The following ZMIZ1 variants were observed in gnomAD, a reference collection of about 807,000 sequenced individuals.
ZMIZ1 encodes the protein zinc finger MIZ-type containing 1.
ZMIZ1 carries 17 observed loss-of-function variants against 113.9 expected under a neutral mutation model. The observed-to-expected ratio is 0.15, with a 90% CI of 0.10 to 0.22. ZMIZ1 has a LOEUF of 0.22. Among genes scored for constraint, ZMIZ1 ranks in the 10% least tolerant of loss-of-function variants. ZMIZ1 has a pLI of 1.00. For synonymous variants in ZMIZ1, 607 were observed against 603.1 expected (o/e 1.01, Z -0.09); for missense variants, 1,059 against 1,477.8 (o/e 0.72, Z 4.65).
In ZMIZ1 at chr10:79,302,230, C is replaced by T. The variant is rs147108972; in HGVS notation, c.2125+18C>T. 299 of 1,609,398 alleles carry T rather than the reference C, an allele frequency of 1.9e-4. 1 individual carries two copies. The African/African-American group carries it at 2.2e-3, about 12-fold the overall frequency. On this transcript the variant is annotated intron_variant, in intron 18 of 24. Coordinates refer to ENST00000334512, the MANE Select transcript of ZMIZ1 (RefSeq NM_020338.4). ...CACGAAAAGTGAGTCAGGGTGGGGA[C>T]GGGGGTGAGGGCCAGACTCCATCCC...
At chr10:79,181,160 T>C (rs1020368161) in intron 4 of ZMIZ1, among the ~76,000 whole-genome samples, 1 of 151,968 alleles carries the variant, frequency 6.6e-6, no homozygotes, top group African/African-American at 2.4e-5. Context: ...AGAGCAGGCT[T>C]GGGCAGGAGC....
At chr10:79,075,529 C>T (rs1265460649) in intron 1 of ZMIZ1, among the ~76,000 whole-genome samples, 2 of 152,152 alleles carry the variant, frequency 1.3e-5, no homozygotes, top group African/African-American at 4.8e-5. Context: ...ATTCCCCCAG[C>T]CCTGTGTGTG....
intron 4 of ZMIZ1, among the ~76,000 whole-genome samples, chr10:79,164,052 G>T (rs565427922): frequency 3.3e-5 from 5 of 152,146 alleles, no homozygotes; most frequent in African/African-American, 1.2e-4. Flanking sequence ...ATGAGGAAGA[G>T]AAAGCCTTGG....
intron 2 of ZMIZ1, 131 bp from the exon 3 acceptor site, chr10:79,139,551 A>T (rs1185908350): frequency 2.5e-6 from 1 of 396,662 alleles, no homozygotes; most frequent in Non-Finnish European, 4.4e-6. Context: ...TAAATCAGGC[A>T]TCCCGGGGTG....
rs141837120 is a variant in ZMIZ1, at chr10:79,262,197, G to A, written c.281-14984G>A. Among the ~76,000 whole-genome samples the A allele has an allele frequency of 3.4e-3, 525 of 152,320 alleles. 1 individual carries two copies. Among genetic ancestry groups the A allele is most frequent in the African/African-American group, 0.012 (501 of 41,564 alleles). On this transcript the variant is annotated intron_variant, in intron 7 of 24. Coordinates refer to ENST00000334512, the MANE Select transcript of ZMIZ1 (RefSeq NM_020338.4). Reference sequence around the variant, plus strand: ...GGCACTGAGCTCATCCCTTGGTCTCGAGCAGTGGTTCTCAAAGTGGGGTCC... The same window carrying A: ...GGCACTGAGCTCATCCCTTGGTCTCAAGCAGTGGTTCTCAAAGTGGGGTCC...
chr10:79,263,236 C>G (rs1461324756), intron 7 of ZMIZ1, among the ~76,000 whole-genome samples: 2 of 152,242 alleles, frequency 1.3e-5, no homozygotes, highest in Non-Finnish European at 2.9e-5. Context: ...TGGCTTCGGT[C>G]TTTGCAGGGT....
chr10:79,154,510 A>G (rs78909633), intron 3 of ZMIZ1, among the ~76,000 whole-genome samples: 1,692 of 152,276 alleles, frequency 0.011, 30 homozygotes, highest in African/African-American at 0.039. Flanking sequence ...CTGGCATTGC[A>G]AGTGGCAAGG....
chr10:79,275,322 G>A (rs932051096), intron 7 of ZMIZ1, among the ~76,000 whole-genome samples: 1 of 152,206 alleles, frequency 6.6e-6, no homozygotes, highest in Non-Finnish European at 1.5e-5. Flanking sequence ...TGACCCCACG[G>A]AGGGGGGCAG....
chr10:79,268,852 A>G (rs899751547), intron 7 of ZMIZ1, among the ~76,000 whole-genome samples: 1 of 152,190 alleles, frequency 6.6e-6, no homozygotes, highest in Non-Finnish European at 1.5e-5. Flanking sequence ...AGGTTTGGAG[A>G]TGGAGAGGAA....
Position 79,313,579 on chromosome 10 carries a change from T to G in ZMIZ1, c.*830T>G, listed in dbSNP as rs1416739195. 1 of 206,574 alleles carries G rather than the reference T, an allele frequency of 4.8e-6. No individual in the cohort carries two copies. The highest frequency in any genetic ancestry group is 1.4e-4 in the East Asian group (1 of 7,294). 12.8% of individuals were successfully genotyped at this position (206,574 alleles called of 1,614,324 possible). On this transcript the variant is annotated 3_prime_UTR_variant, in exon 25 of 25. Transcript: ENST00000334512. ...CAGGTGTACACCCAACCAAAGTGAT[T>G]GTGCCCTTGGTTGGGGGGCGCGGGC... is the stretch of plus-strand genomic sequence containing the variant.
In ZMIZ1 at chr10:79,271,392, C is replaced by T. The variant is rs531721130; in HGVS notation, c.281-5789C>T. On this transcript the variant is annotated intron_variant, in intron 7 of 24. Transcript: ENST00000334512. ...TAACGCGGTCCCATCCATATGGCTA[C>T]CCTAGGAGATGAGGAAACTGGGGTG... is the stretch of plus-strand genomic sequence containing the variant. Among the ~76,000 whole-genome samples, 72 of 152,310 alleles carry T rather than the reference C, an allele frequency of 4.7e-4. 1 individual carries two copies. The highest frequency in any genetic ancestry group is 1.6e-3 in the African/African-American group (68 of 41,554).
In ZMIZ1 at chr10:79,208,830, T is replaced by C. The variant is rs58481472; in HGVS notation, c.174+381T>C. On this transcript the variant is annotated intron_variant, in intron 6 of 24. Transcript: ENST00000334512. The stretch of plus-strand genomic sequence containing the variant: ...TTAGCAAACATGTATGGAGCTTCTT[T>C]TGTCATCATCCATCCATTCAGGTAA... 1.9e-3 allele frequency among the ~76,000 whole-genome samples: 286 copies of C among 152,330 alleles called. 2 individuals are homozygous for C. The highest frequency in any genetic ancestry group is 6.7e-3 in the African/African-American group (277 of 41,574).
intron 18 of ZMIZ1, among the ~76,000 whole-genome samples, chr10:79,303,256 A>G (rs958998114): frequency 6.8e-4 from 104 of 151,876 alleles, no homozygotes; most frequent in African/African-American, 2.4e-3. Context: ...GGAATTCAAG[A>G]CTAGCCTGGC....
chr10:79,113,959 C>T (rs1036969491), intron 1 of ZMIZ1, among the ~76,000 whole-genome samples: 5 of 152,338 alleles, frequency 3.3e-5, no homozygotes, highest in African/African-American at 9.6e-5. Flanking sequence ...TTCCTGAAGG[C>T]GGTGCTGGAG....
intron 4 of ZMIZ1, among the ~76,000 whole-genome samples, chr10:79,194,230 A>C (rs983837508): frequency 1.5e-4 from 23 of 152,346 alleles, no homozygotes; most frequent in African/African-American, 4.6e-4. Flanking sequence ...CTGTCATGAG[A>C]TGTGTGTGCT....
intron 23 of ZMIZ1, among the ~76,000 whole-genome samples, chr10:79,309,133 G>A (rs1223516566): frequency 3.3e-5 from 5 of 152,332 alleles, no homozygotes; most frequent in African/African-American, 1.2e-4. Context: ...CCAAGGCTGG[G>A]AGGCACTGCC....
At chr10:79,103,873 C>A (rs984613882) in intron 1 of ZMIZ1, among the ~76,000 whole-genome samples, 2 of 152,194 alleles carry the variant, frequency 1.3e-5, no homozygotes, top group Non-Finnish European at 2.9e-5. Context: ...TGGTCCACGG[C>A]TCTGCCCAAA....
In ZMIZ1 at chr10:79,117,605, T is replaced by G. The variant is rs531963146; in HGVS notation, c.-336-1310T>G. ...GCTACGAGCATTCTAACACATGTCT[T>G]CTGGTGAACATATGCACATTTTTCT... On this transcript the variant is annotated intron_variant, in intron 1 of 24. Transcript: ENST00000334512. Among the ~76,000 whole-genome samples, 3 of 152,372 alleles carry G rather than the reference T, an allele frequency of 2.0e-5. No individual in the cohort carries two copies. The South Asian group carries it at 6.2e-4, about 32-fold the overall frequency.
intron 1 of ZMIZ1, among the ~76,000 whole-genome samples, chr10:79,101,142 A>C (rs1355091361): frequency 6.6e-6 from 1 of 152,122 alleles, no homozygotes; most frequent in African/African-American, 2.4e-5. Context: ...CCCCTTGATG[A>C]GTAATTCAGC....
Sources: allele counts gnomAD v4.1 joint callset (sites outside exome capture counted in the v4.1 genomes callset), GRCh38; gene constraint gnomAD v4.1.1; transcripts MANE v1.5; gene names NCBI Gene and HGNC (gene_info 2026-07-23, HGNC 2026-07-21).